WWOX: variants seen among roughly 807,000 people sequenced by gnomAD.
WWOX encodes the protein WW domain containing oxidoreductase, also known as WW domain-containing oxidoreductase.
Under a neutral mutation model 46.2 loss-of-function variants are expected in WWOX, and 69 were observed. That is an observed-to-expected ratio of 1.49 (90% CI 1.23 to 1.82). The LOEUF (loss-of-function observed/expected upper bound fraction) is 1.82. WWOX is among the 40% of genes most tolerant of loss of function. The pLI, the probability that WWOX is intolerant of heterozygous loss-of-function variation, is 0.00. For missense variants in WWOX, 919 were observed against 542.6 expected (o/e 1.69, Z -6.89); for synonymous variants, 359 against 202.6 (o/e 1.77, Z -6.56).
At chr16:78,972,529 G>T (rs373706064) in intron 8 of WWOX, among the ~76,000 whole-genome samples, 1 of 151,452 alleles carries the variant, frequency 6.6e-6, no homozygotes. Flanking sequence ...GACCATCTCT[G>T]GGGGAGGGAG....
intron 5 of WWOX, among the ~76,000 whole-genome samples, chr16:78,385,471 C>T (rs1201006109): frequency 6.6e-6 from 1 of 152,166 alleles, no homozygotes; most frequent in Admixed American, 6.5e-5. Context: ...TCATCTTTTA[C>T]AGATAAGGAA....
chr16:78,836,470 A>C (rs1029653082), intron 8 of WWOX, among the ~76,000 whole-genome samples: 1 of 151,804 alleles, frequency 6.6e-6, no homozygotes, highest in Non-Finnish European at 1.5e-5. Flanking sequence ...GGTGGCATCC[A>C]CTCTTCTAGT....
At chr16:78,357,754 T>A (rs1239214709) in intron 5 of WWOX, among the ~76,000 whole-genome samples, 1 of 152,146 alleles carries the variant, frequency 6.6e-6, no homozygotes, top group Admixed American at 6.5e-5. Flanking sequence ...ATTACCTAAT[T>A]TATAGCTTGC....
chr16:78,399,370 T>G (rs1206254203), intron 6 of WWOX, among the ~76,000 whole-genome samples: 1 of 152,226 alleles, frequency 6.6e-6, no homozygotes, highest in Non-Finnish European at 1.5e-5. Flanking sequence ...TAATCGTAGT[T>G]ACAACAATAG....
chr16:78,683,561 T>TAA (rs34149074), intron 8 of WWOX, among the ~76,000 whole-genome samples: 30 of 149,800 alleles, frequency 2.0e-4, no homozygotes, highest in Non-Finnish European at 3.3e-4. Context: ...ATAAAAATAA[T>TAA]AAAAAAAAAA....
chr16:79,032,958 C>T (rs1035703833), intron 8 of WWOX, among the ~76,000 whole-genome samples: 20 of 151,380 alleles, frequency 1.3e-4, no homozygotes, highest in Non-Finnish European at 2.7e-4. Context: ...TCTTTTGTTC[C>T]CCTCTTTGTG....
chr16:78,972,146 A>C (rs193284961), intron 8 of WWOX, among the ~76,000 whole-genome samples: 1 of 152,322 alleles, frequency 6.6e-6, no homozygotes, highest in Non-Finnish European at 1.5e-5. Context: ...AGCTTGGGGC[A>C]GGTGGCAGAG....
chr16:78,937,428 G>T (rs560694408), intron 8 of WWOX, among the ~76,000 whole-genome samples: 16 of 128,066 alleles, frequency 1.2e-4, no homozygotes, highest in Non-Finnish European at 2.5e-4. Context: ...TACCTTTAGA[G>T]AACTTTGTAT....
At chr16:79,134,935 C>T (rs1315483283) in intron 8 of WWOX, among the ~76,000 whole-genome samples, 3 of 152,150 alleles carry the variant, frequency 2.0e-5, no homozygotes, top group Admixed American at 6.5e-5. Flanking sequence ...TAATGAGTTC[C>T]AAACAGGGTA....
chr16:78,107,565 C>T (rs182320826), intron 1 of WWOX, among the ~76,000 whole-genome samples: 89 of 152,234 alleles, frequency 5.8e-4, no homozygotes, highest in Admixed American at 2.6e-3. Context: ...AGGTGCACAG[C>T]GCACAGCTAG....
At chr16:78,258,327 T>A (rs115376590) in intron 5 of WWOX, among the ~76,000 whole-genome samples, 2,207 of 152,286 alleles carry the variant, frequency 0.014, 55 homozygotes, top group African/African-American at 0.051. Flanking sequence ...GATTTAAAAA[T>A]AGGCTATATA....
chr16:78,310,545 G>C (rs1208240651), intron 5 of WWOX, among the ~76,000 whole-genome samples: 2 of 152,202 alleles, frequency 1.3e-5, no homozygotes, highest in Non-Finnish European at 2.9e-5. Context: ...TGTACAGTAA[G>C]ACTTAGTGGT....
intron 8 of WWOX, among the ~76,000 whole-genome samples, chr16:78,721,620 T>A (rs1188225791): frequency 6.6e-6 from 1 of 152,194 alleles, no homozygotes; most frequent in Non-Finnish European, 1.5e-5. Context: ...GCAGGACATG[T>A]GCTTTGAAAT....
At chr16:79,040,998 A>C (rs2047960875) in intron 8 of WWOX, among the ~76,000 whole-genome samples, 1 of 151,984 alleles carries the variant, frequency 6.6e-6, no homozygotes, top group Non-Finnish European at 1.5e-5. Flanking sequence ...AGTTACTAGC[A>C]GACAAGTGCA....
At chr16:78,608,505 C>T (rs751863503) in intron 8 of WWOX, among the ~76,000 whole-genome samples, 7 of 152,134 alleles carry the variant, frequency 4.6e-5, no homozygotes, top group African/African-American at 7.2e-5. Context: ...GCAGGGAAAC[C>T]GGAGTTCTCC....
chr16:78,855,716 G>C (rs978489460), intron 8 of WWOX, among the ~76,000 whole-genome samples: 3 of 152,150 alleles, frequency 2.0e-5, no homozygotes, highest in East Asian at 3.9e-4. Flanking sequence ...TTATTGGTTG[G>C]GGTGGAGAGA....
At chr16:78,605,006 C>T (rs1448317288) in intron 8 of WWOX, among the ~76,000 whole-genome samples, 1 of 124,496 alleles carries the variant, frequency 8.0e-6, no homozygotes. Flanking sequence ...CCCTCCTTCC[C>T]TTTTTCCCTC....
chr16:78,509,007 A>G (rs2085289506), intron 8 of WWOX, among the ~76,000 whole-genome samples: 1 of 152,250 alleles, frequency 6.6e-6, no homozygotes, highest in African/African-American at 2.4e-5. Context: ...AAAGGCGTGC[A>G]TGTGTGGCTT....
chr16:79,053,736 C>T (rs940820724), intron 8 of WWOX, among the ~76,000 whole-genome samples: 1 of 152,098 alleles, frequency 6.6e-6, no homozygotes, highest in East Asian at 1.9e-4. Context: ...AGGATGCAGG[C>T]TTGGGAAGCT....
Sources: allele counts gnomAD v4.1 joint callset (sites outside exome capture counted in the v4.1 genomes callset), GRCh38; gene constraint gnomAD v4.1.1; transcripts MANE v1.5; gene names NCBI Gene and HGNC (gene_info 2026-07-23, HGNC 2026-07-21).